The following HECTD4 variants were observed in gnomAD, a reference collection of about 807,000 sequenced individuals.
The protein encoded by HECTD4 is HECT domain E3 ubiquitin protein ligase 4.
Under a neutral mutation model 471.5 loss-of-function variants are expected in HECTD4, and 114 were observed. That is an observed-to-expected ratio of 0.24 (90% CI 0.21 to 0.28). The LOEUF (loss-of-function observed/expected upper bound fraction) is 0.28, where lower values mean the gene tolerates loss of function less well. Ranked by LOEUF, HECTD4 falls within the 10% of genes least tolerant of loss-of-function variation. The pLI is 1.00. For synonymous variants in HECTD4, 2,012 were observed against 2,256.0 expected (o/e 0.89, Z 3.07); for missense variants, 3,866 against 5,651.5 (o/e 0.68, Z 10.13).
At chr12:112,259,335 C>T in intron 18 of HECTD4, 70 bp from the exon 19 acceptor site, 1 of 1,506,530 alleles carries the variant, frequency 6.6e-7, no homozygotes, top group Non-Finnish European at 9.1e-7. Context: ...CTAATGTCAT[C>T]TTTATCTGAC....
rs1044307751 is a variant in HECTD4, at chr12:112,319,021, C to T, written c.695+204G>A. The stretch of plus-strand genomic sequence containing the variant: ...GTATACCAGAAACAGAAAACATGAA[C>T]TTTGGTTCCAACTCAGGCACCTGGT... On this transcript the variant is annotated intron_variant, in intron 2 of 75. Transcript: ENST00000682272. The surrounding 1 kb of genome is among the most constrained non-coding windows in gnomAD (Gnocchi z 5.3). Among the ~76,000 whole-genome samples, 1 of 152,228 alleles carries T rather than the reference C, an allele frequency of 6.6e-6. No homozygotes were observed. The highest frequency in any genetic ancestry group is 1.5e-5 in the Non-Finnish European group (1 of 68,046).
intron 67 of HECTD4, among the ~76,000 whole-genome samples, chr12:112,171,612 T>G (rs1306646876): frequency 1.3e-5 from 2 of 152,208 alleles, no homozygotes; most frequent in African/African-American, 2.4e-5. Flanking sequence ...AAGAGTCCCG[T>G]GTACATTTCT....
At chr12:112,252,589 A>G in intron 22 of HECTD4, 61 bp from the exon 23 acceptor site, 4 of 1,560,912 alleles carry the variant, frequency 2.6e-6, no homozygotes, top group Non-Finnish European at 3.5e-6. Context: ...ATTTCAAAAG[A>G]GCAATGAATT....
rs1163949241 is a variant in HECTD4 at position 112,172,804 on chromosome 12, C to A, written c.11652G>T (p.Glu3884Asp). The stretch of plus-strand genomic sequence containing the variant: ...TGTACTGCACAAGTGCCACGTCCAT[C>A]TCCAGGGTCCACTTTCTTGAGGCCT... ...AQKASRKWTL[E>D]MDVALVQYIN... The change falls in exon 67 of 76, where the codon GAG becomes GAT. Residue 3884 changes from glutamate to aspartate, a missense_variant. Coordinates refer to ENST00000682272, the MANE Select transcript of HECTD4 (RefSeq NM_001388303.1). The A allele has an allele frequency of 6.2e-7, 1 of 1,614,030 alleles. No homozygotes were observed. Among genetic ancestry groups the A allele is most frequent in the South Asian group, 1.1e-5 (1 of 91,082 alleles).
At position 112,235,628 on chromosome 12, in the gene HECTD4, G is replaced by A. The variant is rs373022791; in HGVS notation, c.5601C>T (p.Asn1867=). Residue 1867 remains asparagine, a synonymous_variant, in exon 36 of 76, where the codon AAC becomes AAT. Transcript: ENST00000682272. The surrounding 1 kb of genome is among the most constrained non-coding windows in gnomAD (Gnocchi z 5.0). ...LPLMSVEDCG[N]VELPPWSYSV... ...AGTAGCTCCAGGGTGGGAGCTCCAC[G>A]TTTCCACAGTCTTCTACGCTCATCA... 5.0e-6 allele frequency: 8 copies of A among 1,613,922 alleles called. No individual in the cohort carries two copies. The highest frequency in any genetic ancestry group is 1.3e-5 in the African/African-American group (1 of 74,936).
chr12:112,248,538 G>C (rs1162720495), intron 25 of HECTD4, 26 bp from the exon 26 acceptor site: 30 of 1,492,588 alleles, frequency 2.0e-5, no homozygotes, highest in Non-Finnish European at 2.6e-5. Context: ...AAATCAGTCA[G>C]ATATATGCCA....
chr12:112,308,669 G>C, intron 6 of HECTD4, 84 bp downstream of exon 6: 2 of 1,237,282 alleles, frequency 1.6e-6, no homozygotes, highest in East Asian at 2.6e-5. Flanking sequence ...TATATCAACT[G>C]TATTATTATT....
intron 60 of HECTD4, among the ~76,000 whole-genome samples, chr12:112,185,973 G>T (rs1252219441): frequency 6.6e-6 from 1 of 152,094 alleles, no homozygotes; most frequent in Non-Finnish European, 1.5e-5. Flanking sequence ...TTACTTTGAG[G>T]GTGGCATTAT....
Position 112,175,874 on chromosome 12 carries a change from T to C in HECTD4, c.11471-15A>G. 1 of 1,612,732 alleles carries C rather than the reference T, an allele frequency of 6.2e-7. No homozygotes were observed. Among genetic ancestry groups the C allele is most frequent in the African/African-American group, 1.3e-5 (1 of 75,040 alleles). ...TTCCTCAGGGACTGGTGGAAAGGGT[T>C]CAGTGTGAGGAATCTGGTGAGACCT... On this transcript the variant is annotated splice_polypyrimidine_tract_variant and intron_variant, in intron 65 of 75. Transcript: ENST00000682272.
chr12:112,379,415 TG>T (rs1457653213), intron 1 of HECTD4, among the ~76,000 whole-genome samples: 1 of 152,178 alleles, frequency 6.6e-6, no homozygotes, highest in Non-Finnish European at 1.5e-5. Flanking sequence ...AAATATGTGC[TG>T]GGCATGGTGG....
chr12:112,356,443 G>GT (rs920546910), intron 1 of HECTD4, among the ~76,000 whole-genome samples: 1 of 152,024 alleles, frequency 6.6e-6, no homozygotes, highest in South Asian at 2.1e-4. Context: ...TTGTTTTTTT[G>GT]TTTTTTGTTT....
Position 112,210,200 on chromosome 12 carries a change from C to G in HECTD4, c.7682G>C (p.Gly2561Ala). The G allele has an allele frequency of 1.2e-6, 2 of 1,613,994 alleles. No homozygotes were observed. The highest frequency in any genetic ancestry group is 1.7e-6 in the Non-Finnish European group (2 of 1,179,868). The change falls in exon 50 of 76, where the codon GGG becomes GCG. Residue 2561 changes from glycine (G) to alanine (A), a missense_variant. Physicochemically the swap from Gly to Ala is moderately conservative, Grantham distance 60. Coordinates refer to ENST00000682272, the MANE Select transcript of HECTD4 (RefSeq NM_001388303.1). ...GTCAGCAGCATTGCGGTGGGCCTGC[C>G]CTTCCGCGTAGGCAAACGGCCGGGA... is the stretch of plus-strand genomic sequence containing the variant. Reference protein sequence around the residue: ...FGSRPFAYAEGQAHRNAADLC... With the variant: ...FGSRPFAYAEAQAHRNAADLC...
intron 1 of HECTD4, among the ~76,000 whole-genome samples, chr12:112,342,734 T>TAATCA (rs2036075063): frequency 6.6e-6 from 1 of 152,214 alleles, no homozygotes; most frequent in Non-Finnish European, 1.5e-5. Flanking sequence ...CTGTGAGATC[T>TAATCA]GATTAAATTT....
In HECTD4 at chr12:112,167,317, G is replaced by A. The variant is rs371544706; in HGVS notation, c.12534C>T (p.Ser4178=). 4.4e-5 allele frequency: 70 copies of A among 1,607,744 alleles called. No homozygotes were observed. The East Asian group carries it at 6.9e-4, about 16-fold the overall frequency. ...LTYNYVKKFE[S]INDETELEAL... is the part of the protein sequence containing the mutation. ...CCCCAGAACTGTGCCTTGCACTCAC[G>A]CTCTCAAACTTCTTGACGTAATTGT... The change falls in exon 72 of 76, where the codon AGC becomes AGT. Residue 4178 remains serine, a splice_region_variant and synonymous_variant. Coordinates refer to ENST00000682272, the MANE Select transcript of HECTD4 (RefSeq NM_001388303.1).
In HECTD4 at chr12:112,319,570, C is replaced by T; in HGVS notation, c.350G>A (p.Ser117Asn). 1 of 1,434,776 alleles carries T rather than the reference C, an allele frequency of 7.0e-7. No homozygotes were observed. The allele number at this position is 1,434,776 out of a possible 1,614,324, so 88.9% of individuals were successfully genotyped here. The change falls in exon 2 of 76, where the codon AGT (serine) becomes AAT (asparagine). Residue 117 changes from serine (S) to asparagine (N), a missense_variant. Ser to Asn is a conservative substitution (Grantham distance 46, BLOSUM62 1). Transcript: ENST00000682272. The surrounding 1 kb of genome is among the most constrained non-coding windows in gnomAD (Gnocchi z 5.3). ...GGCCAAAGTTTCCTCATCACCTGAA[C>T]TTTCCCTTTCATGCTGTTCTTCTAA... ...LALEEQHERE[S>N]SGDEETLALL...
At position 112,240,026 on chromosome 12, in the gene HECTD4, T is replaced by C. The variant is rs1403374214; in HGVS notation, c.4960A>G (p.Ile1654Val). ...VTMVLQGGPR[I>V]EELTCGGMVE... Reference sequence around the variant, plus strand: ...ATCCCACCACATGTGAGTTCTTCAATTCTGTGAAAGAGAAACCAAAGCTCA... The same window carrying C: ...ATCCCACCACATGTGAGTTCTTCAACTCTGTGAAAGAGAAACCAAAGCTCA... The change falls in exon 33 of 76, where the codon ATT becomes GTT. Residue 1654 changes from isoleucine to valine, a missense_variant and splice_region_variant. Ile to Val is a conservative substitution (Grantham distance 29, BLOSUM62 3). Transcript: ENST00000682272. 1 of 1,613,670 alleles carries C rather than the reference T, an allele frequency of 6.2e-7. No homozygotes were observed. The highest frequency in any genetic ancestry group is 1.1e-5 in the South Asian group (1 of 91,074).
chr12:112,219,948 T>C (rs2033042959), intron 44 of HECTD4, among the ~76,000 whole-genome samples: 1 of 152,136 alleles, frequency 6.6e-6, no homozygotes, highest in African/African-American at 2.4e-5. Flanking sequence ...TTGTCTTCCA[T>C]AACGTAGCCC....
chr12:112,327,879 A>C (rs946949240), intron 1 of HECTD4, among the ~76,000 whole-genome samples: 2 of 152,204 alleles, frequency 1.3e-5, no homozygotes, highest in African/African-American at 4.8e-5. Context: ...AAGACCCTGC[A>C]GATATTGGGA....
intron 1 of HECTD4, among the ~76,000 whole-genome samples, chr12:112,377,151 G>A (rs896689095): frequency 6.6e-6 from 1 of 151,804 alleles, no homozygotes; most frequent in Non-Finnish European, 1.5e-5. Flanking sequence ...AATAAAACAG[G>A]ACAGTTGGCT....
Sources: allele counts gnomAD v4.1 joint callset (sites outside exome capture counted in the v4.1 genomes callset), GRCh38; gene constraint gnomAD v4.1.1; non-coding constraint Gnocchi (gnomAD v3.1); transcripts MANE v1.5; gene names NCBI Gene and HGNC (gene_info 2026-07-23, HGNC 2026-07-21).